The following KCNIP4 variants were observed in gnomAD, a reference collection of about 807,000 sequenced individuals.
The protein encoded by KCNIP4 is Kv channel-interacting protein 4.
Under a neutral mutation model 34.0 loss-of-function variants are expected in KCNIP4, and 12 were observed. The observed-to-expected ratio is 0.35, with a 90% confidence interval of 0.23 to 0.57. The LOEUF (loss-of-function observed/expected upper bound fraction) is 0.57. KCNIP4 is among the 20% of genes least tolerant of loss of function. The pLI is 0.83. For synonymous variants in KCNIP4, 124 were observed against 102.2 expected (o/e 1.21, Z -1.29); for missense variants, 238 against 311.7 (o/e 0.76, Z 1.78).
intron 1 of KCNIP4, among the ~76,000 whole-genome samples, chr4:21,386,812 T>C (rs1013199294): frequency 9.2e-5 from 14 of 152,120 alleles, no homozygotes; most frequent in Non-Finnish European, 1.9e-4. Flanking sequence ...TTTGCAGGTA[T>C]ACTCAGTCAA....
At chr4:21,068,223 T>A (rs755871606) in intron 1 of KCNIP4, among the ~76,000 whole-genome samples, 1 of 152,160 alleles carries the variant, frequency 6.6e-6, no homozygotes, top group Non-Finnish European at 1.5e-5. Flanking sequence ...ACCACTCATG[T>A]CCACATCATA....
At chr4:21,344,087 A>T (rs1717042176) in intron 1 of KCNIP4, among the ~76,000 whole-genome samples, 1 of 152,180 alleles carries the variant, frequency 6.6e-6, no homozygotes, top group Non-Finnish European at 1.5e-5. Context: ...GGAAGCATAC[A>T]GTTATGTGCA....
chr4:21,828,917 T>C (rs1722822570), intron 1 of KCNIP4, among the ~76,000 whole-genome samples: 1 of 152,034 alleles, frequency 6.6e-6, no homozygotes, highest in East Asian at 1.9e-4. Flanking sequence ...TAAGAAATGG[T>C]GATAAATACA....
At chr4:21,714,809 ATT>A (rs1263378396) in intron 1 of KCNIP4, among the ~76,000 whole-genome samples, 17 of 242 alleles carry the variant, frequency 0.07, 4 homozygotes, top group South Asian at 0.44. Context: ...ATTTTATTTT[ATT>A]TTATTTTATT....
At chr4:21,301,729 G>C (rs1030721107) in intron 1 of KCNIP4, among the ~76,000 whole-genome samples, 1 of 152,066 alleles carries the variant, frequency 6.6e-6, no homozygotes, top group Non-Finnish European at 1.5e-5. Context: ...TGTAACTGTA[G>C]AGTGCACACA....
intron 1 of KCNIP4, among the ~76,000 whole-genome samples, chr4:21,223,177 G>A (rs1758105385): frequency 6.6e-6 from 1 of 152,138 alleles, no homozygotes; most frequent in African/African-American, 2.4e-5. Context: ...GGCAAGTGGG[G>A]CAGGGTCAGA....
At chr4:21,586,432 C>T (rs1443135411) in intron 1 of KCNIP4, among the ~76,000 whole-genome samples, 1 of 151,980 alleles carries the variant, frequency 6.6e-6, no homozygotes, top group Non-Finnish European at 1.5e-5. Context: ...CACTTGCCTC[C>T]CCCAGTGTCT....
rs185980738 is a variant in KCNIP4, at chr4:21,142,130, G to A, written c.62-259421C>T. 7.6e-3 allele frequency among the ~76,000 whole-genome samples: 1,009 copies of A among 133,374 alleles called. 20 individuals carry two copies. The highest frequency in any genetic ancestry group is 0.027 in the African/African-American group (944 of 35,376). 87.5% of individuals were successfully genotyped at this position (133,374 alleles called of 152,430 possible). On this transcript the variant is annotated intron_variant, in intron 1 of 8. Coordinates refer to ENST00000382152, the MANE Select transcript of KCNIP4 (RefSeq NM_025221.6). ...CGTGCCACTGCACTCCAGCCTGGGC[G>A]ACAGTGCGAGACACCGTCTCAAAAA...
chr4:21,009,883 G>A (rs2149730328), intron 1 of KCNIP4, among the ~76,000 whole-genome samples: 1 of 152,286 alleles, frequency 6.6e-6, no homozygotes, highest in South Asian at 2.1e-4. Flanking sequence ...CATTTTAAAA[G>A]ACTTGTGTGC....
chr4:21,385,694 A>T (rs779009877), intron 1 of KCNIP4, among the ~76,000 whole-genome samples: 6 of 152,192 alleles, frequency 3.9e-5, no homozygotes, highest in Non-Finnish European at 7.4e-5. Flanking sequence ...CATCACCATC[A>T]TATCCCTTAT....
At chr4:21,397,953 T>C (rs963640614) in intron 1 of KCNIP4, among the ~76,000 whole-genome samples, 6 of 152,184 alleles carry the variant, frequency 3.9e-5, no homozygotes, top group African/African-American at 1.4e-4. Context: ...TAAGCAATTT[T>C]CCAAAAACTG....
chr4:21,580,949 G>A (rs1426853926), intron 1 of KCNIP4, among the ~76,000 whole-genome samples: 1 of 152,074 alleles, frequency 6.6e-6, no homozygotes, highest in Non-Finnish European at 1.5e-5. Flanking sequence ...AAGTCAATGA[G>A]TGTGCTGAGA....
intron 1 of KCNIP4, among the ~76,000 whole-genome samples, chr4:21,602,022 C>T (rs1013997998): frequency 6.6e-6 from 1 of 152,118 alleles, no homozygotes; most frequent in Non-Finnish European, 1.5e-5. Flanking sequence ...CATGCCCCTC[C>T]CCAACGCAAT....
intron 1 of KCNIP4, among the ~76,000 whole-genome samples, chr4:21,370,895 G>GTGTA (rs1720374845): frequency 1.7e-5 from 2 of 116,708 alleles, no homozygotes; most frequent in African/African-American, 8.1e-5. Context: ...GTGTGTGTGT[G>GTGTA]TGTGTGTATT....
At chr4:21,349,976 T>C (rs1362142712) in intron 1 of KCNIP4, among the ~76,000 whole-genome samples, 1 of 152,200 alleles carries the variant, frequency 6.6e-6, no homozygotes, top group Non-Finnish European at 1.5e-5. Context: ...GTGGGTGGAC[T>C]AGAGTTATGA....
intron 1 of KCNIP4, among the ~76,000 whole-genome samples, chr4:21,431,253 G>GGAAAAGTT (rs775011032): frequency 6.6e-6 from 1 of 151,906 alleles, no homozygotes; most frequent in Non-Finnish European, 1.5e-5. Context: ...AAAAATTCAG[G>GGAAAAGTT]GAAAAGTTAA....
chr4:20,769,938 A>G (rs533699085), intron 3 of KCNIP4, among the ~76,000 whole-genome samples: 1 of 152,334 alleles, frequency 6.6e-6, no homozygotes, highest in South Asian at 2.1e-4. Flanking sequence ...GATTAGATCA[A>G]GCCCACAAAG....
intron 1 of KCNIP4, among the ~76,000 whole-genome samples, chr4:21,883,497 T>C (rs1274669889): frequency 1.3e-5 from 2 of 152,020 alleles, no homozygotes; most frequent in African/African-American, 4.8e-5. Flanking sequence ...GATAAAGGTA[T>C]ATTAATATAA....
chr4:21,649,974 A>G (rs1033601200), intron 1 of KCNIP4, among the ~76,000 whole-genome samples: 6 of 152,200 alleles, frequency 3.9e-5, no homozygotes, highest in Non-Finnish European at 8.8e-5. Context: ...CACAACCACA[A>G]ATCTTTGGCC....
Sources: gnomAD v4.1 joint callset for allele counts (sites outside exome capture counted in the v4.1 genomes callset) on GRCh38, gnomAD v4.1.1 for gene constraint, MANE v1.5 for transcripts, NCBI Gene and HGNC (gene_info 2026-07-23, HGNC 2026-07-21) for gene names.